POMK: variants seen among roughly 807,000 people sequenced by gnomAD.
The protein encoded by POMK is Sugen kinase 196.
A neutral mutation model predicts 23.0 loss-of-function variants in POMK; 19 were observed. That is an observed-to-expected ratio of 0.83 (90% CI 0.58 to 1.21). POMK has a LOEUF of 1.21. Ranked by LOEUF, POMK falls within the 50% of genes most tolerant of loss-of-function variation. POMK has a pLI of 0.00. For missense variants in POMK, 410 were observed against 431.3 expected, an observed-to-expected ratio of 0.95 and a Z score of 0.44; for synonymous variants, 173 against 171.6, an observed-to-expected ratio of 1.01 and a Z score of -0.06.
At chr8:43,093,917 G>T (rs1256623647) in intron 1 of POMK, among the ~76,000 whole-genome samples, 1 of 152,174 alleles carries the variant, frequency 6.6e-6, no homozygotes, top group Non-Finnish European at 1.5e-5. Flanking sequence ...TTCTGTCTCC[G>T]TAAAAAAGCA....
chr8:43,109,821 G>A (rs111346337), intron 4 of POMK, among the ~76,000 whole-genome samples: 20 of 152,094 alleles, frequency 1.3e-4, no homozygotes, highest in African/African-American at 4.1e-4. Context: ...TATAACAGGC[G>A]TGAGCCACCA....
chr8:43,096,683 AAAG>A lies in POMK; in HGVS notation c.-209-838_-209-836del, dbSNP rs1330779603. Among the ~76,000 whole-genome samples, 6 of 152,142 alleles carry A rather than the reference AAAG, an allele frequency of 3.9e-5. No individual in the cohort carries two copies. In the South Asian group the frequency reaches 1.0e-3, roughly 26 times the overall value. ...TGAGACTCCTTCTCAAAAAAAGAAA[AAAG>A]AAAAAAAAGAAAGCTCTCCCTGCAT... On this transcript the variant is annotated intron_variant, in intron 1 of 4. Coordinates refer to ENST00000331373, the MANE Select transcript of POMK (RefSeq NM_032237.5).
intron 4 of POMK, among the ~76,000 whole-genome samples, chr8:43,109,786 C>T (rs1327209129): frequency 6.6e-6 from 1 of 152,182 alleles, no homozygotes; most frequent in Non-Finnish European, 1.5e-5. Flanking sequence ...CTTGATCTAC[C>T]TGCCTCAGCC....
rs1204985452 is a variant in POMK, at chr8:43,122,463, C to CCAGT, written c.640_643dup (p.Tyr215SerfsTer14). On this transcript the variant is annotated frameshift_variant, in exon 5 of 5. Transcript: ENST00000331373. LOFTEE classifies it high-confidence loss of function. Reference sequence around the variant, plus strand: ...CCAACGACCTGCCGAAGACACTGTCCCAGTATCTGCTAACAAGCAACTTCA... The same window carrying CCAGT: ...CCAACGACCTGCCGAAGACACTGTCCCAGTCAGTATCTGCTAACAAGCAACTTCA... 6.2e-7 allele frequency: 1 copy of CCAGT among 1,614,134 alleles called. No homozygotes were observed. The highest frequency in any genetic ancestry group is 8.5e-7 in the Non-Finnish European group (1 of 1,179,990).
At chr8:43,113,883 CCT>C (rs1336228572) in intron 4 of POMK, among the ~76,000 whole-genome samples, 2 of 152,224 alleles carry the variant, frequency 1.3e-5, no homozygotes, top group Admixed American at 6.5e-5. Context: ...CACTCCAGAC[CCT>C]GTTTGCCTGG....
At position 43,123,168 on chromosome 8, in the gene POMK, C is replaced by G. The variant is rs1811960454; in HGVS notation, c.*291C>G. 1 of 267,072 alleles carries G rather than the reference C, an allele frequency of 3.7e-6. No homozygotes were observed. Among genetic ancestry groups the G allele is most frequent in the Non-Finnish European group, 7.1e-6 (1 of 140,530 alleles). The allele number at this position is 267,072 out of a possible 1,614,324, so 16.5% of individuals were successfully genotyped here. ...GCCTCCCAGGTTCAAGCAATTCTCCCACCTCAGCCTCCTGAGTAGCTGGGA... is the reference window on the plus strand; with the variant it reads ...GCCTCCCAGGTTCAAGCAATTCTCCGACCTCAGCCTCCTGAGTAGCTGGGA... On this transcript the variant is annotated 3_prime_UTR_variant, in exon 5 of 5. Coordinates refer to ENST00000331373, the MANE Select transcript of POMK (RefSeq NM_032237.5).
At chr8:43,107,952 G>A (rs746535401) in intron 4 of POMK, among the ~76,000 whole-genome samples, 19 of 152,188 alleles carry the variant, frequency 1.2e-4, no homozygotes, top group Non-Finnish European at 2.4e-4. Context: ...CAAAGTACTA[G>A]GATTACAGGC....
intron 4 of POMK, among the ~76,000 whole-genome samples, chr8:43,114,208 C>T (rs1320605970): frequency 2.6e-5 from 4 of 152,244 alleles, no homozygotes; most frequent in Admixed American, 2.0e-4. Context: ...GCCCTGTCCC[C>T]AGAGGTGGAG....
chr8:43,111,167 T>C (rs1187394459), intron 4 of POMK, among the ~76,000 whole-genome samples: 2 of 152,080 alleles, frequency 1.3e-5, no homozygotes, highest in African/African-American at 2.4e-5. Context: ...GAGTCCCTTT[T>C]CTAGTCAAAG....
chr8:43,099,138 A>G (rs1811390232), intron 2 of POMK, among the ~76,000 whole-genome samples: 1 of 152,170 alleles, frequency 6.6e-6, no homozygotes, highest in African/African-American at 2.4e-5. Context: ...TTTTGTAGAC[A>G]GGAGGTCTTA....
At chr8:43,117,390 C>T (rs906112265) in intron 4 of POMK, among the ~76,000 whole-genome samples, 3 of 152,096 alleles carry the variant, frequency 2.0e-5, no homozygotes, top group Non-Finnish European at 2.9e-5. Context: ...GGAAGTGGAT[C>T]CATCATCCAT....
intron 2 of POMK, among the ~76,000 whole-genome samples, chr8:43,100,595 T>G (rs760658463): frequency 3.6e-4 from 55 of 151,546 alleles, no homozygotes; most frequent in Non-Finnish European, 6.6e-4. Context: ...AAGTGCTGGG[T>G]GTGCGCTTGT....
intron 4 of POMK, among the ~76,000 whole-genome samples, chr8:43,108,503 T>C (rs1196077835): frequency 6.6e-6 from 1 of 152,242 alleles, no homozygotes; most frequent in Non-Finnish European, 1.5e-5. Context: ...GAGTGTACTT[T>C]ACTCAGTTGC....
At chr8:43,102,243 C>T (rs1169572346) in intron 2 of POMK, among the ~76,000 whole-genome samples, 1 of 152,182 alleles carries the variant, frequency 6.6e-6, no homozygotes, top group African/African-American at 2.4e-5. Flanking sequence ...GGGCTGGGCA[C>T]ATAGAAGCTG....
At chr8:43,104,683 A>G (rs1390685535) in intron 4 of POMK, among the ~76,000 whole-genome samples, 1 of 152,202 alleles carries the variant, frequency 6.6e-6, no homozygotes, top group Non-Finnish European at 1.5e-5. Context: ...AGTGTCTTAT[A>G]CATGTAATCC....
At chr8:43,106,924 CAGG>C (rs1811555632) in intron 4 of POMK, among the ~76,000 whole-genome samples, 1 of 152,120 alleles carries the variant, frequency 6.6e-6, no homozygotes. Flanking sequence ...TTCATGCTGA[CAGG>C]GGGCATAGTT....
intron 1 of POMK, among the ~76,000 whole-genome samples, chr8:43,095,530 T>C (rs556079732): frequency 2.5e-4 from 38 of 152,266 alleles, no homozygotes; most frequent in Admixed American, 6.5e-4. Flanking sequence ...TTAGAAAATA[T>C]GCATTTCTAG....
At chr8:43,104,179 A>G (rs919257350) in intron 4 of POMK, among the ~76,000 whole-genome samples, 24 of 151,842 alleles carry the variant, frequency 1.6e-4, no homozygotes, top group African/African-American at 4.6e-4. Context: ...CTGGAGTGCA[A>G]TGGCGCCATC....
rs779226611 is a variant in POMK, at chr8:43,122,550, G to A, written c.726G>A (p.Val242=). 7.7e-5 allele frequency: 124 copies of A among 1,614,098 alleles called. No homozygotes were observed. The highest frequency in any genetic ancestry group is 9.8e-5 in the Non-Finnish European group (116 of 1,180,054). The change falls in exon 5 of 5, where the codon GTG becomes GTA. Residue 242 remains valine (V), a synonymous_variant. Coordinates refer to ENST00000331373, the MANE Select transcript of POMK (RefSeq NM_032237.5). ...PLVNHSSGML[V]KCGHRELHGD... The stretch of plus-strand genomic sequence containing the variant: ...TGAACCACAGCTCCGGGATGCTGGT[G>A]AAGTGCGGCCACAGGGAGCTGCATG...
Sources: allele counts gnomAD v4.1 joint callset (sites outside exome capture counted in the v4.1 genomes callset), GRCh38; gene constraint gnomAD v4.1.1; transcripts MANE v1.5; gene names NCBI Gene and HGNC (gene_info 2026-07-23, HGNC 2026-07-21).